The following IFRD1 variants were observed in gnomAD, a reference collection of about 807,000 sequenced individuals.
IFRD1 encodes the protein interferon related developmental regulator 1.
A neutral mutation model predicts 52.9 loss-of-function variants in IFRD1; 35 were observed. The ratio of observed to expected loss-of-function variants is 0.66; its 90% CI spans 0.51 to 0.88. The LOEUF is 0.88. Ranked by LOEUF, IFRD1 falls within the 40% of genes least tolerant of loss-of-function variation. The pLI, the probability that IFRD1 is intolerant of heterozygous loss-of-function variation, is 0.00. For synonymous variants in IFRD1, 184 were observed against 188.4 expected, an observed-to-expected ratio of 0.98 and a Z score of 0.19; for missense variants, 517 against 550.8, an observed-to-expected ratio of 0.94 and a Z score of 0.61.
intron 1 of IFRD1, chr7:112,452,657 C>T: frequency 6.3e-6 from 1 of 157,530 alleles, no homozygotes; most frequent in Non-Finnish European, 1.4e-5. Context: ...GCCTCCTTCC[C>T]TCTTTGTGCT....
chr7:112,429,978 CCTT>C (rs1050465419), intron 1 of IFRD1, among the ~76,000 whole-genome samples: 2 of 152,188 alleles, frequency 1.3e-5, no homozygotes, highest in African/African-American at 2.4e-5. Context: ...TTCTCATCTC[CCTT>C]CTTCTCAGCT....
At chr7:112,467,947 T>C in intron 8 of IFRD1, 34 bp from the exon 9 acceptor site, 1 of 1,605,320 alleles carries the variant, frequency 6.2e-7, no homozygotes, top group Non-Finnish European at 8.5e-7. Flanking sequence ...AGAAAAATAA[T>C]AATAAAGGAA....
intron 5 of IFRD1, among the ~76,000 whole-genome samples, chr7:112,459,767 C>G (rs1048183464): frequency 6.6e-6 from 1 of 152,166 alleles, no homozygotes; most frequent in Non-Finnish European, 1.5e-5. Context: ...TCTAGGTTCT[C>G]TCGATATGGC....
At chr7:112,468,259 A>G (rs928304474) in intron 9 of IFRD1, 144 bp downstream of exon 9, 27 of 839,716 alleles carry the variant, frequency 3.2e-5, no homozygotes, top group Non-Finnish European at 4.5e-5. Flanking sequence ...TTTTAACAAT[A>G]TAAGTGAAGA....
intron 1 of IFRD1, among the ~76,000 whole-genome samples, chr7:112,426,952 T>C (rs1794441642): frequency 2.0e-5 from 3 of 152,212 alleles, no homozygotes; most frequent in Admixed American, 1.3e-4. Flanking sequence ...CCAAGGTACA[T>C]CTTATATACG....
rs747005256 is a variant in IFRD1, at chr7:112,472,855, C to T, written c.1260C>T (p.Phe420=). The T allele has an allele frequency of 1.6e-5, 25 of 1,608,808 alleles. No homozygotes were observed. Among genetic ancestry groups the T allele is most frequent in the Non-Finnish European group, 1.2e-5 (14 of 1,175,200 alleles). ...TTAAAACGATGAAGATTTCTCGTTT[C>T]GAAAGGGTAGGTTTTGTTTTTATTT... is the stretch of plus-strand genomic sequence containing the variant. ...ATLKTMKISR[F]ERHLYNSAAF... Residue 420 remains phenylalanine, a synonymous_variant, in exon 11 of 12, where the codon TTC becomes TTT. Coordinates refer to ENST00000403825, the MANE Select transcript of IFRD1 (RefSeq NM_001550.4).
chr7:112,460,249 T>C (rs914146963), intron 5 of IFRD1, among the ~76,000 whole-genome samples: 1 of 142,688 alleles, frequency 7.0e-6, no homozygotes, highest in African/African-American at 2.6e-5. Flanking sequence ...GGGTTTTTTT[T>C]TTTTTTTTTT....
chr7:112,475,176 T>C lies in IFRD1; in HGVS notation c.1267-254T>C, dbSNP rs191523611. Among the ~76,000 whole-genome samples, 1,074 of 152,268 alleles carry C rather than the reference T, an allele frequency of 7.1e-3. 7 individuals carry two copies. The highest frequency in any genetic ancestry group is 0.013 in the Non-Finnish European group (860 of 68,016). On this transcript the variant is annotated intron_variant, in intron 11 of 11. Transcript: ENST00000403825. ...GATTTCACCGTGTTAGCCAGGATGG[T>C]CTCAATCTCCTGACCTCGTGATTCG... is the stretch of plus-strand genomic sequence containing the variant.
intron 11 of IFRD1, 110 bp downstream of exon 11, chr7:112,472,971 G>T: frequency 1.3e-6 from 1 of 754,902 alleles, no homozygotes. Flanking sequence ...AGTTTTTCAT[G>T]ATGCTTCACA....
chr7:112,446,619 G>GT (rs1795036104), upstream of IFRD1, among the ~76,000 whole-genome samples: 1 of 152,172 alleles, frequency 6.6e-6, no homozygotes. Context: ...GAGTGGAAGA[G>GT]TGGGAGAGTA....
intron 1 of IFRD1, among the ~76,000 whole-genome samples, chr7:112,430,714 T>G (rs1391777845): frequency 6.6e-6 from 1 of 152,186 alleles, no homozygotes; most frequent in Non-Finnish European, 1.5e-5. Context: ...CCTAACTACT[T>G]TTCATCCCCT....
In IFRD1 at chr7:112,438,835, A is replaced by T. The variant is rs3128393; in HGVS notation, c.-181-11673A>T. On this transcript the variant is annotated intron_variant, in intron 1 of 12. Transcript: ENST00000005558. The stretch of plus-strand genomic sequence containing the variant: ...ACCATTACTCACCCATCATGGCAAC[A>T]CTTGTTTAGAAGGAAAACTACCATT... Among the ~76,000 whole-genome samples the T allele has an allele frequency of 6.7e-3, 1,023 of 152,268 alleles. 8 individuals carry two copies. The highest frequency in any genetic ancestry group is 0.024 in the African/African-American group (978 of 41,546).
At chr7:112,471,773 C>T (rs1221871238) in intron 9 of IFRD1, among the ~76,000 whole-genome samples, 1 of 152,094 alleles carries the variant, frequency 6.6e-6, no homozygotes, top group Non-Finnish European at 1.5e-5. Context: ...TTCCTTTTTG[C>T]TTGGTCAGTT....
chr7:112,465,177 T>C lies in IFRD1; in HGVS notation c.906+2799T>C, dbSNP rs574740175. On this transcript the variant is annotated intron_variant, in intron 8 of 11. Transcript: ENST00000403825. ...CCTTCCAAAGTGTTGGGATTATAGA[T>C]ACAGAGCCACTGTGTCTGGCCTCAA... Among the ~76,000 whole-genome samples, 3 of 152,318 alleles carry C rather than the reference T, an allele frequency of 2.0e-5. No individual in the cohort carries two copies. In the East Asian group the frequency reaches 5.8e-4, roughly 29 times the overall value.
intron 1 of IFRD1, among the ~76,000 whole-genome samples, chr7:112,440,130 C>T (rs895679639): frequency 6.6e-5 from 10 of 152,066 alleles, no homozygotes; most frequent in African/African-American, 2.4e-4. Context: ...GGACTACAGG[C>T]GTTCGCCACC....
chr7:112,459,353 T>G (rs1241664856), intron 5 of IFRD1, among the ~76,000 whole-genome samples: 1 of 152,242 alleles, frequency 6.6e-6, no homozygotes, highest in Non-Finnish European at 1.5e-5. Flanking sequence ...TGTTTACCTC[T>G]TGCAACACTT....
intron 4 of IFRD1, chr7:112,457,816 C>T (rs1795333674): frequency 6.6e-6 from 1 of 152,104 alleles, no homozygotes; most frequent in South Asian, 2.1e-4. Context: ...ATTTTATTAG[C>T]AAAATATTAT....
In IFRD1 at chr7:112,475,577, T is replaced by G. The variant is rs1410242774; in HGVS notation, c.*58T>G. On this transcript the variant is annotated 3_prime_UTR_variant, in exon 12 of 12. Coordinates refer to ENST00000403825, the MANE Select transcript of IFRD1 (RefSeq NM_001550.4). ...CTATTTTTTTTTCTATTTCAATGTA[T>G]TTAAACTCTAGACACAGTTTTTATC... is the stretch of plus-strand genomic sequence containing the variant. The G allele has an allele frequency of 9.6e-7, 1 of 1,039,418 alleles. No individual in the cohort carries two copies. The highest frequency in any genetic ancestry group is 2.5e-5 in the East Asian group (1 of 39,556). The allele number at this position is 1,039,418 out of a possible 1,614,324, so 64.4% of individuals were successfully genotyped here. A position where few individuals can be genotyped will look rare whatever the true frequency, so the allele number is the denominator to read the frequency against.
intron 1 of IFRD1, chr7:112,452,224 T>G (rs1240409588): frequency 1.7e-6 from 1 of 581,596 alleles, no homozygotes; most frequent in East Asian, 1.5e-4. Context: ...CGGTGTGGTG[T>G]GATCATAGCT....
Sources: gnomAD v4.1 joint callset for allele counts (sites outside exome capture counted in the v4.1 genomes callset) on GRCh38, gnomAD v4.1.1 for gene constraint, MANE v1.5 for transcripts, NCBI Gene and HGNC (gene_info 2026-07-23, HGNC 2026-07-21) for gene names.